The following RNF212B variants were observed in gnomAD, a reference collection of about 807,000 sequenced individuals.
The protein encoded by RNF212B is E3 ubiquitin-protein ligase RNF212B.
A neutral mutation model predicts 55.5 loss-of-function variants in RNF212B; 52 were observed. That is an observed-to-expected ratio of 0.94 (90% CI 0.75 to 1.18). The LOEUF (loss-of-function observed/expected upper bound fraction) is 1.18, where lower values mean the gene tolerates loss of function less well. RNF212B is among the 50% of genes most tolerant of loss of function. RNF212B has a pLI of 0.00. For synonymous variants in RNF212B, 99 were observed against 121.4 expected (o/e 0.82, Z 1.21); for missense variants, 289 against 350.4 (o/e 0.82, Z 1.40).
At position 23,224,061 on chromosome 14, in the gene RNF212B, A is replaced by G. The variant is rs543280249; in HGVS notation, c.-1-16284A>G. Among the ~76,000 whole-genome samples, 18 of 152,320 alleles carry G rather than the reference A, an allele frequency of 1.2e-4. No homozygotes were observed. The South Asian group carries it at 2.1e-3, about 18-fold the overall frequency. On this transcript the variant is annotated intron_variant, in intron 2 of 15. Transcript: ENST00000399910. ...AAGATCTCTATGAAGAAAACTATAA[A>G]ACATTGATGAAAGAAATTGAGGAGA...
rs1295177391 is a variant in RNF212B at position 23,232,785 on chromosome 14, G to C, written c.-1-7560G>C. ...CAGCCGCCCCGTCTGGGAGGGAGGT[G>C]GGGGGGGGGTCAGCCTCTGCCCGGC... On this transcript the variant is annotated intron_variant, in intron 2 of 15. Coordinates refer to the RNF212B transcript ENST00000399910. Among the ~76,000 whole-genome samples, 16 of 76,822 alleles carry C rather than the reference G, an allele frequency of 2.1e-4. 1 individual carries two copies. Among genetic ancestry groups the C allele is most frequent in the Non-Finnish European group, 3.7e-4 (14 of 37,764 alleles). The allele number at this position is 76,822 out of a possible 152,430, so 50.4% of individuals were successfully genotyped here.
intron 3 of RNF212B, among the ~76,000 whole-genome samples, chr14:23,243,573 G>A (rs1883758746): frequency 6.6e-6 from 1 of 151,584 alleles, no homozygotes; most frequent in Non-Finnish European, 1.5e-5. Context: ...GTGCGGGCCT[G>A]TAGTCCCAGC....
chr14:23,236,959 CTCTT>C (rs1298675750), upstream of RNF212B, among the ~76,000 whole-genome samples: 1 of 139,130 alleles, frequency 7.2e-6, no homozygotes, highest in Non-Finnish European at 1.5e-5. Flanking sequence ...TTCTGTCTCT[CTCTT>C]TTTTTTTTTT....
chr14:23,248,503 A>G (rs11628821), intron 4 of RNF212B, among the ~76,000 whole-genome samples: 24,012 of 139,770 alleles, frequency 0.17, 2,335 homozygotes, highest in South Asian at 0.25. Flanking sequence ...GTGCAGTGGC[A>G]CGATCTCGGC....
intron 2 of RNF212B, among the ~76,000 whole-genome samples, chr14:23,200,076 A>G (rs1879137692): frequency 6.6e-6 from 1 of 152,054 alleles, no homozygotes; most frequent in Non-Finnish European, 1.5e-5. Context: ...TCGTCTTGAA[A>G]CATTTTTTTC....
At chr14:23,187,209 C>T (rs729531) in intron 1 of RNF212B, among the ~76,000 whole-genome samples, 7,298 of 152,246 alleles carry the variant, frequency 0.048, 600 homozygotes, top group African/African-American at 0.17. Context: ...CGTTTTCTTA[C>T]AAATATGGAT....
At chr14:23,238,794 A>G (rs1437512473) in intron 1 of RNF212B, among the ~76,000 whole-genome samples, 1 of 142,138 alleles carries the variant, frequency 7.0e-6, no homozygotes, top group African/African-American at 2.5e-5. Flanking sequence ...CCACAAAGAA[A>G]CCTTACAAAG....
intron 2 of RNF212B, among the ~76,000 whole-genome samples, chr14:23,218,164 C>T (rs988576903): frequency 4.6e-5 from 7 of 151,676 alleles, no homozygotes; most frequent in African/African-American, 4.8e-5. Context: ...GTCAGGAGAT[C>T]GAGACCCTCT....
chr14:23,250,741 GAGTAC>G (rs1884345914), intron 4 of RNF212B, among the ~76,000 whole-genome samples: 1 of 152,174 alleles, frequency 6.6e-6, no homozygotes, highest in Non-Finnish European at 1.5e-5. Flanking sequence ...AAGGTGGTCA[GAGTAC>G]AGTTTGGTTT....
chr14:23,219,467 TCTC>T (rs142230704), intron 2 of RNF212B, among the ~76,000 whole-genome samples: 6,742 of 149,428 alleles, frequency 0.045, 528 homozygotes, highest in African/African-American at 0.16. Flanking sequence ...CTCTCCTTCT[TCTC>T]CTTCTAGTTT....
intron 11 of RNF212B, among the ~76,000 whole-genome samples, chr14:23,266,197 G>T (rs1249882490): frequency 1.3e-5 from 2 of 151,952 alleles, no homozygotes; most frequent in South Asian, 2.1e-4. Context: ...TACCTCAGGT[G>T]ATCTGCCCGC....
chr14:23,205,346 A>G (rs2140377035), intron 2 of RNF212B, among the ~76,000 whole-genome samples: 1 of 151,244 alleles, frequency 6.6e-6, no homozygotes, highest in South Asian at 2.1e-4. Flanking sequence ...ATGTTTTCCT[A>G]CAATATATAT....
chr14:23,256,211 T>C (rs1189461655), intron 4 of RNF212B, among the ~76,000 whole-genome samples: 2 of 152,082 alleles, frequency 1.3e-5, no homozygotes, highest in African/African-American at 2.4e-5. Flanking sequence ...TCCTGACTAA[T>C]CCCACTAATC....
intron 2 of RNF212B, among the ~76,000 whole-genome samples, chr14:23,228,708 A>C (rs906342537): frequency 6.6e-6 from 1 of 152,002 alleles, no homozygotes; most frequent in Non-Finnish European, 1.5e-5. Context: ...AACAAAGAGG[A>C]TCAAGACTAC....
chr14:23,217,230 CCAGTGGTGG>C (rs199665900), intron 2 of RNF212B, among the ~76,000 whole-genome samples: 21 of 107,626 alleles, frequency 2.0e-4, no homozygotes, highest in African/African-American at 4.6e-4. Flanking sequence ...CCACCATAGA[CCAGTGGTGG>C]CAGTGGTGGC....
At chr14:23,201,924 C>T (rs1879326193) in intron 2 of RNF212B, among the ~76,000 whole-genome samples, 1 of 152,110 alleles carries the variant, frequency 6.6e-6, no homozygotes, top group Admixed American at 6.6e-5. Flanking sequence ...AATATAACTT[C>T]CATAAACCTT....
intron 4 of RNF212B, among the ~76,000 whole-genome samples, chr14:23,251,198 T>G (rs1035370395): frequency 3.3e-5 from 5 of 152,184 alleles, no homozygotes; most frequent in Non-Finnish European, 7.3e-5. Context: ...TGCCCCTGTG[T>G]GAGATGTTTT....
chr14:23,269,262 C>T (rs891056424), intron 12 of RNF212B, among the ~76,000 whole-genome samples: 1 of 151,998 alleles, frequency 6.6e-6, no homozygotes, highest in Non-Finnish European at 1.5e-5. Context: ...GACATGGTGT[C>T]ACTGCCCTCC....
intron 2 of RNF212B, among the ~76,000 whole-genome samples, chr14:23,200,156 C>T (rs1879149267): frequency 6.6e-6 from 1 of 151,992 alleles, no homozygotes; most frequent in Non-Finnish European, 1.5e-5. Flanking sequence ...TTATGCTTGG[C>T]CAAATTATTT....
Sources: gnomAD v4.1 joint callset for allele counts (sites outside exome capture counted in the v4.1 genomes callset) on GRCh38, gnomAD v4.1.1 for gene constraint, MANE v1.5 for transcripts, NCBI Gene and HGNC (gene_info 2026-07-23, HGNC 2026-07-21) for gene names.